PCDHA4: variants seen among roughly 807,000 people sequenced by gnomAD.
PCDHA4 encodes the protein protocadherin alpha 4.
PCDHA4 carries 49 observed loss-of-function variants against 61.4 expected under a neutral mutation model. The ratio of observed to expected loss-of-function variants is 0.80; its 90% CI spans 0.63 to 1.01. PCDHA4 has a LOEUF of 1.01. Ranked by LOEUF, PCDHA4 falls within the 50% of genes least tolerant of loss-of-function variation. The pLI is 0.00. For missense variants in PCDHA4, 1,254 were observed against 1,235.8 expected, an observed-to-expected ratio of 1.01 and a Z score of -0.22; for synonymous variants, 590 against 550.3, an observed-to-expected ratio of 1.07 and a Z score of -1.01.
At chr5:140,881,993 A>C in intron 1 of PCDHA4, 1 of 454,088 alleles carries the variant, frequency 2.2e-6, no homozygotes, top group Non-Finnish European at 3.7e-6. Flanking sequence ...AATGTCAGGA[A>C]ATGCAAGGGG....
chr5:140,833,525 C>T (rs1216411666), intron 1 of PCDHA4, among the ~76,000 whole-genome samples: 2 of 152,108 alleles, frequency 1.3e-5, no homozygotes, highest in East Asian at 3.8e-4. Flanking sequence ...ATTCATAACA[C>T]ACAAGTGTTC....
chr5:140,928,892 T>C, intron 1 of PCDHA4: 1 of 1,614,198 alleles, frequency 6.2e-7, no homozygotes, highest in Non-Finnish European at 8.5e-7. Flanking sequence ...CTTCCAGACT[T>C]TGAAGATGTC....
At chr5:140,924,318 G>A (rs550515387) in intron 1 of PCDHA4, among the ~76,000 whole-genome samples, 1 of 152,164 alleles carries the variant, frequency 6.6e-6, no homozygotes, top group East Asian at 1.9e-4. Context: ...AATTTTATCT[G>A]AGACTTGGTG....
In PCDHA4 at chr5:140,856,281, T is replaced by C. The variant is rs782635462; in HGVS notation, c.2385+46709T>C. On this transcript the variant is annotated intron_variant, in intron 1 of 3. Transcript: ENST00000530339. The stretch of plus-strand genomic sequence containing the variant: ...CACGGGGACCTTCTGGAGGTAAATC[T>C]GCAGAATGGCATTTTGTTTGTGAAT... 8.1e-6 allele frequency: 13 copies of C among 1,598,288 alleles called. 1 individual carries two copies. Among genetic ancestry groups the C allele is most frequent in the Non-Finnish European group, 1.1e-5 (13 of 1,168,008 alleles).
intron 1 of PCDHA4, chr5:140,875,824 C>T (rs1554167977): frequency 7.4e-6 from 12 of 1,614,156 alleles, no homozygotes; most frequent in East Asian, 2.2e-5. Context: ...GCAGGTTTTC[C>T]ATGTGGACGT....
At chr5:141,008,923 C>T (rs2098394604) in intron 3 of PCDHA4, among the ~76,000 whole-genome samples, 1 of 152,160 alleles carries the variant, frequency 6.6e-6, no homozygotes. Flanking sequence ...ATTTATTCAG[C>T]TAATTTTTCT....
At chr5:140,876,819 C>T in intron 1 of PCDHA4, 1 of 1,614,180 alleles carries the variant, frequency 6.2e-7, no homozygotes, top group Admixed American at 1.7e-5. Flanking sequence ...CCGACGTGAA[C>T]GACAATGCGC....
At chr5:140,828,389 G>A (rs1769730233) in intron 1 of PCDHA4, 1 of 1,614,162 alleles carries the variant, frequency 6.2e-7, no homozygotes, top group Admixed American at 1.7e-5. Context: ...CGGGCGGAGC[G>A]CGGAGTGCAG....
intron 1 of PCDHA4, chr5:140,868,880 A>G (rs1384235072): frequency 1.4e-6 from 1 of 698,244 alleles, no homozygotes; most frequent in Non-Finnish European, 2.3e-6. Flanking sequence ...CAGTACTCAC[A>G]GTTTTAGGCG....
intron 1 of PCDHA4, chr5:140,882,766 G>C (rs782330844): frequency 6.2e-7 from 1 of 1,614,184 alleles, no homozygotes; most frequent in Non-Finnish European, 8.5e-7. Context: ...GAGTAAACTC[G>C]GCATTGACCT....
chr5:140,829,961 G>T, intron 1 of PCDHA4: 2 of 1,613,994 alleles, frequency 1.2e-6, no homozygotes, highest in Non-Finnish European at 1.7e-6. Flanking sequence ...CCCGTTTCGC[G>T]TGGGGCTGTA....
At chr5:140,828,295 C>CA in intron 1 of PCDHA4, 1 of 1,614,124 alleles carries the variant, frequency 6.2e-7, no homozygotes, top group Non-Finnish European at 8.5e-7. Context: ...GGATGGCCTC[C>CA]AAAGACCGCG....
At chr5:140,970,331 T>C (rs1442466340) in intron 1 of PCDHA4, among the ~76,000 whole-genome samples, 1 of 152,210 alleles carries the variant, frequency 6.6e-6, no homozygotes, top group African/African-American at 2.4e-5. Context: ...TTCCAAAGCA[T>C]GCATTCATTT....
chr5:140,850,680 G>A lies in PCDHA4; in HGVS notation c.2385+41108G>A, dbSNP rs2150493615. 22 of 1,598,518 alleles carry A rather than the reference G, an allele frequency of 1.4e-5. 2 individuals carry two copies. In the East Asian group the frequency reaches 4.5e-4, roughly 32 times the overall value. ...GCTGCGGTGCTCGGCGATGCCCACC[G>A]AGGGCGAGTGCGCGCCTGGCAAGCC... On this transcript the variant is annotated intron_variant, in intron 1 of 3. Transcript: ENST00000530339.
intron 1 of PCDHA4, chr5:140,871,328 G>A (rs374687707): frequency 6.2e-7 from 1 of 1,614,128 alleles, no homozygotes; most frequent in Admixed American, 1.7e-5. Flanking sequence ...GTGTGCTCCC[G>A]CGCGGTGGGG....
chr5:140,985,739 C>CTTTTT (rs11372071), intron 3 of PCDHA4, among the ~76,000 whole-genome samples: 4 of 117,922 alleles, frequency 3.4e-5, no homozygotes, highest in East Asian at 2.5e-4. Flanking sequence ...TGATGAATTC[C>CTTTTT]TTTTTTTTTT....
intron 1 of PCDHA4, among the ~76,000 whole-genome samples, chr5:140,955,244 G>A (rs1554221834): frequency 2.0e-5 from 3 of 152,072 alleles, no homozygotes; most frequent in South Asian, 2.1e-4. Flanking sequence ...GCTTAGGATC[G>A]GCTTGGCTAT....
intron 1 of PCDHA4, chr5:140,815,925 G>T (rs1464876643): frequency 1.3e-5 from 2 of 152,112 alleles, no homozygotes; most frequent in Non-Finnish European, 2.9e-5. Context: ...GGATGGCAAG[G>T]TTTCTACTGA....
At chr5:140,845,368 C>A (rs1281318130) in intron 1 of PCDHA4, among the ~76,000 whole-genome samples, 1 of 149,482 alleles carries the variant, frequency 6.7e-6, no homozygotes, top group African/African-American at 2.4e-5. Context: ...TACAAAATAT[C>A]ATAAATAGGA....
Sources: allele counts gnomAD v4.1 joint callset (sites outside exome capture counted in the v4.1 genomes callset), GRCh38; gene constraint gnomAD v4.1.1; transcripts MANE v1.5; gene names NCBI Gene and HGNC (gene_info 2026-07-23, HGNC 2026-07-21).